Variants in MIER3 observed in about 807,000 individuals in gnomAD.
The protein encoded by MIER3 is MIER family member 3.
A neutral mutation model predicts 63.2 loss-of-function variants in MIER3; 9 were observed. That is an observed-to-expected ratio of 0.14 (90% CI 0.09 to 0.25). MIER3 has a LOEUF of 0.25. Ranked by LOEUF, MIER3 falls within the 10% of genes least tolerant of loss-of-function variation. MIER3 has a pLI of 1.00. For synonymous variants in MIER3, 205 were observed against 224.9 expected (o/e 0.91, Z 0.79); for missense variants, 512 against 666.2 (o/e 0.77, Z 2.55).
intron 3 of MIER3, among the ~76,000 whole-genome samples, chr5:56,946,326 C>A (rs1750822856): frequency 6.6e-6 from 1 of 152,176 alleles, no homozygotes; most frequent in Non-Finnish European, 1.5e-5. Context: ...TCTCTATATA[C>A]AGTCCTGGTA....
chr5:56,946,563 T>A (rs1750829332), intron 3 of MIER3, among the ~76,000 whole-genome samples: 1 of 152,154 alleles, frequency 6.6e-6, no homozygotes. Context: ...CTGTATCTAC[T>A]ACAGTACTTA....
At position 56,925,651 on chromosome 5, in the gene MIER3, AC is replaced by A. The variant is rs1749935230; in HGVS notation, c.925-1610del. ...ATTCTATGTTCATGGATAAGAAGAC[AC>A]TTCATTGTTAAGACGTCAGTTCTTC... On this transcript the variant is annotated intron_variant, in intron 10 of 12. Transcript: ENST00000381199. The A allele has an allele frequency of 3.5e-5, 6 of 172,760 alleles. No individual in the cohort carries two copies. The South Asian group carries it at 7.3e-4, about 21-fold the overall frequency. The allele number at this position is 172,760 out of a possible 1,614,324, so 10.7% of individuals were successfully genotyped here.
chr5:56,939,060 A>C (rs1579854930), intron 3 of MIER3, 43 bp from the exon 4 acceptor site: 2 of 1,603,306 alleles, frequency 1.2e-6, no homozygotes, highest in South Asian at 2.2e-5. Flanking sequence ...CAGATGTCAC[A>C]ATACTGAACT....
At chr5:56,925,800 G>A (rs1337778171) in intron 10 of MIER3, among the ~76,000 whole-genome samples, 1 of 151,202 alleles carries the variant, frequency 6.6e-6, no homozygotes, top group Non-Finnish European at 1.5e-5. Context: ...ATAGTATTAC[G>A]AAAAGATAAA....
intron 10 of MIER3, among the ~76,000 whole-genome samples, chr5:56,926,274 C>G (rs547606218): frequency 1.4e-4 from 22 of 152,082 alleles, no homozygotes; most frequent in Admixed American, 5.2e-4. Context: ...AACTTTTACT[C>G]TGCAAACACA....
intron 9 of MIER3, among the ~76,000 whole-genome samples, chr5:56,929,988 G>C (rs1750201863): frequency 6.6e-6 from 1 of 151,996 alleles, no homozygotes; most frequent in African/African-American, 2.4e-5. Context: ...CAAAGAAGCA[G>C]CTTTTCTAAG....
rs138140767 is a variant in MIER3 at position 56,923,819 on chromosome 5, C to A, written c.1067G>T (p.Arg356Leu). 2.7e-5 allele frequency: 44 copies of A among 1,614,018 alleles called. No individual in the cohort carries two copies. The highest frequency in any genetic ancestry group is 3.6e-5 in the Non-Finnish European group (42 of 1,180,010). Residue 356 changes from arginine to leucine, a missense_variant, in exon 12 of 13, where the codon CGT (arginine) becomes CTT (leucine). Arg to Leu is a moderately radical substitution (Grantham distance 102). Around this residue, in one of 5 missense-constraint regions of MIER3, gnomAD observed 218 missense variants for 251.2 expected, o/e 0.87. Transcript: ENST00000381199. ...CAAAGCTTCTGTTTCATCTACTAAACGATCCATATAGTCCCTGAAAAACAC... is the reference window on the plus strand; with the variant it reads ...CAAAGCTTCTGTTTCATCTACTAAAAGATCCATATAGTCCCTGAAAAACAC... ...HHPGVTDYMD[R>L]LVDETEALGG... is the part of the protein sequence containing the mutation.
At chr5:56,952,045 C>G in intron 1 of MIER3, 49 bp downstream of exon 1, 1 of 1,262,762 alleles carries the variant, frequency 7.9e-7, no homozygotes, top group East Asian at 4.0e-5. Flanking sequence ...CGGGGAGCCG[C>G]CGGGCGCCCG....
intron 1 of MIER3, 143 bp from the exon 2 acceptor site, chr5:56,950,795 C>T: frequency 1.1e-6 from 1 of 893,204 alleles, no homozygotes; most frequent in Non-Finnish European, 1.8e-6. Flanking sequence ...TCGAATCGCT[C>T]CCGGCCCCTT....
At chr5:56,935,845 TGAGATCAGCATAAGTATAC>T (rs1448133598) in intron 5 of MIER3, 94 bp from the exon 6 acceptor site, 1 of 904,240 alleles carries the variant, frequency 1.1e-6, no homozygotes, top group Non-Finnish European at 1.8e-6. Context: ...GTTAAATATG[TGAGATCAGCATAAGTATAC>T]TAAACCACCT....
At chr5:56,935,824 T>A in intron 5 of MIER3, 73 bp from the exon 6 acceptor site, 2 of 1,127,872 alleles carry the variant, frequency 1.8e-6, no homozygotes, top group Non-Finnish European at 2.6e-6. Context: ...TGTTGTATTT[T>A]ACAAAATGTT....
chr5:56,924,678 T>C (rs1561230262), intron 10 of MIER3, among the ~76,000 whole-genome samples: 1 of 152,136 alleles, frequency 6.6e-6, no homozygotes, highest in Non-Finnish European at 1.5e-5. Flanking sequence ...ACAACAACAA[T>C]AAAATTTGAG....
intron 3 of MIER3, among the ~76,000 whole-genome samples, chr5:56,943,678 G>C (rs964973287): frequency 2.6e-5 from 4 of 152,202 alleles, no homozygotes; most frequent in Non-Finnish European, 2.9e-5. Flanking sequence ...TCTAGTCTCT[G>C]AAGCACTTCA....
chr5:56,923,814 C>G lies in MIER3; in HGVS notation c.1072G>C (p.Val358Leu), dbSNP rs750946349. 1.3e-5 allele frequency: 21 copies of G among 1,614,066 alleles called. No individual in the cohort carries two copies. The highest frequency in any genetic ancestry group is 2.2e-5 in the East Asian group (1 of 44,902). ...PGVTDYMDRL[V>L]DETEALGGTV... is the part of the protein sequence containing the mutation. ...CCACCCAAAGCTTCTGTTTCATCTA[C>G]TAAACGATCCATATAGTCCCTGAAA... The change falls in exon 12 of 13, where the codon GTA becomes CTA. Residue 358 changes from valine (V) to leucine (L), a missense_variant. Physicochemically the swap from Val to Leu is conservative, Grantham distance 32. This residue lies in a region of MIER3 where 218 missense variants were observed against 251.2 expected (regional missense o/e 0.87). Coordinates refer to ENST00000381199, the MANE Select transcript of MIER3 (RefSeq NM_001297599.2).
rs36017815 is a variant in MIER3, at chr5:56,923,192, T to A, written c.1589A>T (p.Asn530Ile). ...GGCACTGATGAAACCATTGGTCTCG[T>A]TGGCAGAGAGACTGCCAAAGTCAGC... ...SVADFGSLSA[N>I]ETNGFISAHA... The change falls in exon 13 of 13, where the codon AAC becomes ATC. Residue 530 changes from asparagine (N) to isoleucine (I), a missense_variant. By Grantham distance (149) the Asn-to-Ile change is moderately radical. Transcript: ENST00000381199. 3.7e-6 allele frequency: 6 copies of A among 1,613,820 alleles called. No individual in the cohort carries two copies. In the East Asian group the frequency reaches 1.1e-4, roughly 30 times the overall value.
At chr5:56,939,526 A>G (rs1295612449) in intron 3 of MIER3, among the ~76,000 whole-genome samples, 1 of 152,198 alleles carries the variant, frequency 6.6e-6, no homozygotes, top group Non-Finnish European at 1.5e-5. Context: ...TTCTTACTAC[A>G]TCTCCTATCT....
chr5:56,933,530 G>T, intron 7 of MIER3, 132 bp from the exon 8 acceptor site: 1 of 787,144 alleles, frequency 1.3e-6, no homozygotes, highest in Non-Finnish European at 1.9e-6. Context: ...CCAGTAATCC[G>T]ATTATCCGTT....
chr5:56,923,606 G>C lies in MIER3; in HGVS notation c.1196-21C>G, dbSNP rs571128483. 3 of 1,611,386 alleles carry C rather than the reference G, an allele frequency of 1.9e-6. No individual in the cohort carries two copies. The East Asian group carries it at 6.7e-5, about 36-fold the overall frequency. On this transcript the variant is annotated intron_variant, in intron 12 of 12. Transcript: ENST00000381199. ...CAAAGCTAAAAAGGAATGGAAAATT[G>C]TTTAAGTAAGTGGTCCTATGACATC...
At chr5:56,942,110 G>C (rs866205635) in intron 3 of MIER3, among the ~76,000 whole-genome samples, 3 of 152,208 alleles carry the variant, frequency 2.0e-5, no homozygotes, top group Non-Finnish European at 4.4e-5. Context: ...GGTTGGCCAG[G>C]AGCCTGGAGC....
Sources: allele counts gnomAD v4.1 joint callset (sites outside exome capture counted in the v4.1 genomes callset), GRCh38; gene constraint gnomAD v4.1.1; regional missense constraint gnomAD v4.1.1; transcripts MANE v1.5; gene names NCBI Gene and HGNC (gene_info 2026-07-23, HGNC 2026-07-21).